The following AKAP9 variants were observed in gnomAD, a reference collection of about 807,000 sequenced individuals.
AKAP9 encodes A-kinase anchoring protein 9, also known as A-kinase anchor protein 9.
In AKAP9, 311 loss-of-function variants were observed where a neutral mutation model predicts 488.5. That is an observed-to-expected ratio of 0.64 (90% confidence interval 0.58 to 0.70). The LOEUF (loss-of-function observed/expected upper bound fraction) is 0.70. Among genes scored for constraint, AKAP9 ranks in the 30% least tolerant of loss-of-function variants. The pLI, the probability that AKAP9 is intolerant of heterozygous loss-of-function variation, is 0.00. For missense variants in AKAP9, 4,215 were observed against 4,374.5 expected (o/e 0.96, Z 1.03); for synonymous variants, 1,462 against 1,483.5 (o/e 0.99, Z 0.33).
At chr7:92,108,840 C>G in intron 49 of AKAP9, 1 of 646,946 alleles carries the variant, frequency 1.5e-6, no homozygotes, top group Non-Finnish European at 2.7e-6. Context: ...ATTTATCACC[C>G]CAGATCCCAC....
At position 92,099,475 on chromosome 7, in the gene AKAP9, C is replaced by T. The variant is rs530753413; in HGVS notation, c.10714-212C>T. Reference sequence around the variant, plus strand: ...ACTTACCAGGCAACCTACAACACCCCGAAAACAATACACACTCGCTCAAGC... The same window carrying T: ...ACTTACCAGGCAACCTACAACACCCTGAAAACAATACACACTCGCTCAAGC... On this transcript the variant is annotated intron_variant, in intron 43 of 49. Transcript: ENST00000356239. 9.9e-5 allele frequency among the ~76,000 whole-genome samples: 15 copies of T among 152,210 alleles called. 1 individual carries two copies. Among genetic ancestry groups the T allele is most frequent in the South Asian group, 4.2e-4 (2 of 4,804 alleles).
At position 91,940,937 on chromosome 7, in the gene AKAP9, A is replaced by C; in HGVS notation, c.-163A>C. The C allele has an allele frequency of 4.0e-6, 3 of 755,928 alleles. No homozygotes were observed. The highest frequency in any genetic ancestry group is 3.1e-5 in the South Asian group (2 of 65,122). 46.8% of individuals were successfully genotyped at this position (755,928 alleles called of 1,614,324 possible). On this transcript the variant is annotated 5_prime_UTR_variant, in exon 1 of 50. Coordinates refer to ENST00000356239, the MANE Select transcript of AKAP9 (RefSeq NM_005751.5). The stretch of plus-strand genomic sequence containing the variant: ...CCCGTGCGGCTGAGGACGATCCGCC[A>C]GTGAGCGCGGAGACTGCTTCCACTT...
At chr7:91,972,555 A>G (rs974029445) in intron 1 of AKAP9, among the ~76,000 whole-genome samples, 4 of 152,174 alleles carry the variant, frequency 2.6e-5, no homozygotes, top group Non-Finnish European at 5.9e-5. Flanking sequence ...TCACTTCTCC[A>G]TGGTCTTGAA....
rs181775066 is a variant in AKAP9 at position 92,007,231 on chromosome 7, A to G, written c.3318+3996A>G. On this transcript the variant is annotated intron_variant, in intron 8 of 49. Transcript: ENST00000356239. ...ATGGAGAAAAAGATACTTAATTGTC[A>G]TAATTCCCATGTATAATTAAATTAA... Among the ~76,000 whole-genome samples, 1,215 of 151,626 alleles carry G rather than the reference A, an allele frequency of 8.0e-3. 9 individuals are homozygous for G. The highest frequency in any genetic ancestry group is 0.014 in the Non-Finnish European group (931 of 67,906).
At chr7:92,071,131 A>C in intron 28 of AKAP9, 122 bp downstream of exon 28, 1 of 881,392 alleles carries the variant, frequency 1.1e-6, no homozygotes, top group Non-Finnish European at 1.9e-6. Context: ...GCTGTTTCTC[A>C]GCTCAATGCC....
chr7:92,087,386 A>G (rs1289073263), intron 37 of AKAP9, among the ~76,000 whole-genome samples: 1 of 152,192 alleles, frequency 6.6e-6, no homozygotes, highest in Non-Finnish European at 1.5e-5. Context: ...CTAAAGATAT[A>G]CCTGAGATAT....
intron 26 of AKAP9, 100 bp from the exon 27 acceptor site, chr7:92,069,930 T>C: frequency 9.3e-7 from 1 of 1,069,868 alleles, no homozygotes; most frequent in South Asian, 1.5e-5. Context: ...TTTTGGAGCA[T>C]TTTGGATTGT....
chr7:92,051,389 G>C (rs1807956058), intron 21 of AKAP9, among the ~76,000 whole-genome samples: 1 of 152,196 alleles, frequency 6.6e-6, no homozygotes, highest in Admixed American at 6.5e-5. Context: ...TGAGCACATG[G>C]AGTAATATAA....
intron 1 of AKAP9, among the ~76,000 whole-genome samples, chr7:91,968,301 A>G (rs950113454): frequency 2.6e-5 from 4 of 151,982 alleles, no homozygotes; most frequent in East Asian, 1.9e-4. Flanking sequence ...GAGGTTTTCT[A>G]TTTCTTCATG....
Position 92,001,868 on chromosome 7 carries a change from A to C in AKAP9, c.1951A>C (p.Asn651His). 1 of 1,613,296 alleles carries C rather than the reference A, an allele frequency of 6.2e-7. No homozygotes were observed. Among genetic ancestry groups the C allele is most frequent in the Non-Finnish European group, 8.5e-7 (1 of 1,179,452 alleles). Residue 651 changes from asparagine (N) to histidine (H), a missense_variant, in exon 8 of 50, where the codon AAT (asparagine) becomes CAT (histidine). Asn to His is a moderately conservative substitution (Grantham distance 68). Around this residue, in one of 5 missense-constraint regions of AKAP9, gnomAD observed 2,361 missense variants for 2,430.0 expected, o/e 0.97. Coordinates refer to ENST00000356239, the MANE Select transcript of AKAP9 (RefSeq NM_005751.5). ...AGATTTAGAAATTGAACATCGAATA[A>C]ATATTGAAAAACTTAAAGATAATTT... ...KEDLEIEHRI[N>H]IEKLKDNLGI...
chr7:92,101,580 G>T (rs893300984), intron 45 of AKAP9, among the ~76,000 whole-genome samples: 4 of 152,190 alleles, frequency 2.6e-5, no homozygotes, highest in African/African-American at 9.7e-5. Context: ...AATGGTCACA[G>T]TGGCAGCCTG....
At position 92,000,939 on chromosome 7, in the gene AKAP9, A is replaced by T. The variant is rs1180483368; in HGVS notation, c.1022A>T (p.Glu341Val). ...IEELNTKIIE[E>V]EKKTLELKDK... ...GAATTAAACACAAAAATAATAGAAG[A>T]AGAAAAGAAAACTCTTGAGCTAAAG... Residue 341 changes from glutamate (E) to valine (V), a missense_variant, in exon 8 of 50, where the codon GAA becomes GTA. By Grantham distance (121) the Glu-to-Val change is moderately radical. Transcript: ENST00000356239. 16 of 1,491,888 alleles carry T rather than the reference A, an allele frequency of 1.1e-5. No homozygotes were observed. The highest frequency in any genetic ancestry group is 1.2e-5 in the Non-Finnish European group (13 of 1,111,046). 92.4% of individuals were successfully genotyped at this position (1,491,888 alleles called of 1,614,324 possible).
intron 2 of AKAP9, among the ~76,000 whole-genome samples, chr7:91,975,132 A>G (rs985542094): frequency 2.6e-5 from 4 of 152,142 alleles, no homozygotes; most frequent in South Asian, 2.1e-4. Flanking sequence ...GAGTACAGGC[A>G]TGAGCCACCG....
chr7:91,970,399 C>T (rs185678252), intron 1 of AKAP9: 27 of 441,058 alleles, frequency 6.1e-5, no homozygotes, highest in Admixed American at 4.0e-4. Context: ...GGTTTGTCCA[C>T]GTACTTAATT....
In AKAP9 at chr7:91,984,780, A is replaced by G. The variant is rs1191270778; in HGVS notation, c.351+4447A>G. ...ATCCATGAGCATGGAATGCTTTTCC[A>G]TTTGTTTGTGTCCTTTTTTATTTCG... On this transcript the variant is annotated intron_variant, in intron 3 of 49. Transcript: ENST00000356239. Among the ~76,000 whole-genome samples, 3 of 152,044 alleles carry G rather than the reference A, an allele frequency of 2.0e-5. No individual in the cohort carries two copies. The East Asian group carries it at 5.8e-4, about 29-fold the overall frequency.
chr7:91,988,145 C>A (rs1015632944), intron 3 of AKAP9, among the ~76,000 whole-genome samples: 2 of 151,796 alleles, frequency 1.3e-5, no homozygotes, highest in Non-Finnish European at 2.9e-5. Context: ...GATAGCTCAT[C>A]AATTTAGTTT....
intron 3 of AKAP9, 94 bp downstream of exon 3, chr7:91,980,427 C>CA (rs1796243088): frequency 4.7e-6 from 2 of 424,788 alleles, no homozygotes; most frequent in Non-Finnish European, 7.8e-6. Context: ...TCTTGTCACT[C>CA]ATGCTTCTAT....
chr7:92,110,085 T>G (rs758940437), intron 49 of AKAP9, 37 bp from the exon 50 acceptor site: 3 of 1,536,654 alleles, frequency 2.0e-6, no homozygotes, highest in Non-Finnish European at 2.7e-6. Context: ...AGCAATGTAA[T>G]TTGAAATCAG....
In AKAP9 at chr7:92,002,136, CA is replaced by C; in HGVS notation, c.2220del (p.Glu742AsnfsTer14). On this transcript the variant is annotated frameshift_variant, in exon 8 of 50. Coordinates refer to ENST00000356239, the MANE Select transcript of AKAP9 (RefSeq NM_005751.5). LOFTEE classifies it high-confidence loss of function. ...AGACAAGAAGAAAAAGAAAAGGGTA[CA>C]CTTGAACAAGAAGTTCAAGAATTAC... ...ILRQEEKEKGTLEQEVQELQL... is the reference protein window; with the variant it reads ...ILRQEEKEKGXLEQEVQELQL... 6.3e-7 allele frequency: 1 copy of C among 1,593,286 alleles called. No homozygotes were observed. The highest frequency in any genetic ancestry group is 8.5e-7 in the Non-Finnish European group (1 of 1,173,382).
Sources: gnomAD v4.1 joint callset for allele counts (sites outside exome capture counted in the v4.1 genomes callset) on GRCh38, gnomAD v4.1.1 for gene constraint, gnomAD v4.1.1 regional missense constraint, MANE v1.5 for transcripts, NCBI Gene and HGNC (gene_info 2026-07-23, HGNC 2026-07-21) for gene names.